Variants in FAF1 observed in about 807,000 individuals in gnomAD.
FAF1 encodes Fas associated factor 1.
In FAF1, 25 loss-of-function variants were observed where a neutral mutation model predicts 92.5. The ratio of observed to expected loss-of-function variants is 0.27; its 90% CI spans 0.20 to 0.38. The LOEUF (loss-of-function observed/expected upper bound fraction) is 0.38, where lower values mean the gene tolerates loss of function less well. Ranked by LOEUF, FAF1 falls within the 10% of genes least tolerant of loss-of-function variation. The pLI, the probability that FAF1 is intolerant of heterozygous loss-of-function variation, is 1.00. For synonymous variants in FAF1, 234 were observed against 273.2 expected (o/e 0.86, Z 1.42); for missense variants, 636 against 793.3 (o/e 0.80, Z 2.38).
intron 18 of FAF1, among the ~76,000 whole-genome samples, chr1:50,466,399 G>A (rs575565169): frequency 3.4e-4 from 51 of 152,132 alleles, no homozygotes; most frequent in South Asian, 8.3e-4. Flanking sequence ...CATGTGAGAC[G>A]CCTACTGGAT....
chr1:50,448,677 G>T (rs1346391196), intron 18 of FAF1, among the ~76,000 whole-genome samples: 2 of 152,202 alleles, frequency 1.3e-5, no homozygotes, highest in Non-Finnish European at 2.9e-5. Context: ...TACAGGCAAA[G>T]AATACATCAG....
At chr1:50,926,109 C>T (rs528537385) in intron 1 of FAF1, among the ~76,000 whole-genome samples, 5 of 152,086 alleles carry the variant, frequency 3.3e-5, no homozygotes, top group African/African-American at 1.2e-4. Context: ...CCCAGTTACT[C>T]GGGAGACTGA....
At chr1:50,576,555 G>A (rs1650744711) in intron 12 of FAF1, among the ~76,000 whole-genome samples, 1 of 151,988 alleles carries the variant, frequency 6.6e-6, no homozygotes, top group Non-Finnish European at 1.5e-5. Context: ...TTTTGGTGGT[G>A]TAGAAGAAGA....
At chr1:50,468,164 G>A (rs1375279738) in intron 18 of FAF1, among the ~76,000 whole-genome samples, 1 of 152,014 alleles carries the variant, frequency 6.6e-6, no homozygotes, top group Non-Finnish European at 1.5e-5. Flanking sequence ...AGCTATAATT[G>A]TGTCACTGCA....
chr1:50,885,743 T>C (rs1292306068), intron 1 of FAF1, among the ~76,000 whole-genome samples: 1 of 152,194 alleles, frequency 6.6e-6, no homozygotes, highest in East Asian at 1.9e-4. Flanking sequence ...CCAGTTGTTT[T>C]GTGGTATTCT....
At chr1:50,495,993 A>G (rs1646893745) in intron 15 of FAF1, among the ~76,000 whole-genome samples, 1 of 152,168 alleles carries the variant, frequency 6.6e-6, no homozygotes, top group South Asian at 2.1e-4. Context: ...ATGACTATTA[A>G]AAATAAAATA....
intron 4 of FAF1, among the ~76,000 whole-genome samples, chr1:50,768,483 A>C (rs1436621515): frequency 2.6e-5 from 4 of 152,162 alleles, no homozygotes; most frequent in Non-Finnish European, 4.4e-5. Context: ...CAAAATATAT[A>C]TTCTTCTCAT....
At chr1:50,885,600 G>A (rs1330398285) in intron 1 of FAF1, among the ~76,000 whole-genome samples, 1 of 151,968 alleles carries the variant, frequency 6.6e-6, no homozygotes, top group Non-Finnish European at 1.5e-5. Context: ...GTTTCTTGTA[G>A]GCAACAGACC....
chr1:50,649,785 C>CAAAAAAA (rs535636319), intron 8 of FAF1, among the ~76,000 whole-genome samples: 6 of 72,938 alleles, frequency 8.2e-5, no homozygotes, highest in East Asian at 3.5e-4. Flanking sequence ...ACTAAAACTA[C>CAAAAAAA]AAAAAAAAAA....
intron 1 of FAF1, among the ~76,000 whole-genome samples, chr1:50,925,557 C>T (rs1203050383): frequency 6.6e-6 from 1 of 151,910 alleles, no homozygotes; most frequent in Non-Finnish European, 1.5e-5. Flanking sequence ...AATATTATCT[C>T]ACCCCGCTCA....
intron 3 of FAF1, among the ~76,000 whole-genome samples, chr1:50,796,056 C>CA (rs1382287526): frequency 2.0e-5 from 3 of 150,120 alleles, no homozygotes; most frequent in African/African-American, 7.4e-5. Flanking sequence ...AAAACAACAA[C>CA]AACAAAAAAA....
chr1:50,680,287 T>C (rs191829533), intron 7 of FAF1, among the ~76,000 whole-genome samples: 173 of 152,288 alleles, frequency 1.1e-3, no homozygotes, highest in Admixed American at 2.6e-3. Flanking sequence ...ATAAGGTACA[T>C]TTTATAGAAA....
chr1:50,504,242 CAAGAGTA>C (rs1647026699), intron 15 of FAF1, among the ~76,000 whole-genome samples: 1 of 151,200 alleles, frequency 6.6e-6, no homozygotes, highest in South Asian at 2.1e-4. Flanking sequence ...AAGATACAGT[CAAGAGTA>C]TCCAATATGC....
chr1:50,534,835 T>A (rs1008259622), intron 15 of FAF1, among the ~76,000 whole-genome samples: 2 of 152,190 alleles, frequency 1.3e-5, no homozygotes, highest in African/African-American at 2.4e-5. Flanking sequence ...AGGTTCTATG[T>A]TCATGTTATC....
intron 7 of FAF1, among the ~76,000 whole-genome samples, chr1:50,667,210 A>G (rs937697635): frequency 8.5e-5 from 13 of 152,228 alleles, no homozygotes; most frequent in African/African-American, 3.1e-4. Flanking sequence ...AAAAATAGTT[A>G]AACTTTATCA....
chr1:50,566,200 A>G (rs1411851709), intron 13 of FAF1, among the ~76,000 whole-genome samples: 2 of 152,112 alleles, frequency 1.3e-5, no homozygotes, highest in Non-Finnish European at 2.9e-5. Flanking sequence ...GATTAAATAA[A>G]ACAAAGTCTG....
intron 18 of FAF1, among the ~76,000 whole-genome samples, chr1:50,467,862 C>A (rs549248620): frequency 1.3e-5 from 2 of 152,226 alleles, no homozygotes; most frequent in African/African-American, 4.8e-5. Context: ...GGTGAGGTGA[C>A]AGATGTGCTA....
At chr1:50,848,149 T>A (rs536048222) in intron 2 of FAF1, among the ~76,000 whole-genome samples, 9 of 151,898 alleles carry the variant, frequency 5.9e-5, no homozygotes, top group East Asian at 3.9e-4. Flanking sequence ...AAAAATAATT[T>A]AAAAAAAACA....
At chr1:50,594,594 T>C (rs1651697098) in intron 9 of FAF1, among the ~76,000 whole-genome samples, 1 of 114,816 alleles carries the variant, frequency 8.7e-6, no homozygotes, top group East Asian at 3.0e-4. Context: ...GCGTGGTGGC[T>C]CACACCTGTA....
Sources: gnomAD v4.1 joint callset for allele counts (sites outside exome capture counted in the v4.1 genomes callset) on GRCh38, gnomAD v4.1.1 for gene constraint, MANE v1.5 for transcripts, NCBI Gene and HGNC (gene_info 2026-07-23, HGNC 2026-07-21) for gene names.